Variants in DOCK8 observed in about 807,000 individuals in gnomAD.
The protein encoded by DOCK8 is dedicator of cytokinesis 8.
DOCK8 carries 141 observed loss-of-function variants against 245.6 expected under a neutral mutation model. The observed-to-expected ratio is 0.57, with a 90% CI of 0.50 to 0.66. The LOEUF (loss-of-function observed/expected upper bound fraction) is 0.66, where lower values mean the gene tolerates loss of function less well. Among genes scored for constraint, DOCK8 ranks in the 30% least tolerant of loss-of-function variants. The pLI is 0.00. For synonymous variants in DOCK8, 1,168 were observed against 970.2 expected (o/e 1.20, Z -3.79); for missense variants, 2,965 against 2,603.4 (o/e 1.14, Z -3.02).
chr9:242,225 C>T (rs912763713), intron 1 of DOCK8, among the ~76,000 whole-genome samples: 4 of 152,104 alleles, frequency 2.6e-5, no homozygotes, highest in South Asian at 2.1e-4. Flanking sequence ...CCTAGTGGGT[C>T]CACTCCCCAC....
intron 17 of DOCK8, 131 bp downstream of exon 17, chr9:371,697 T>TTATAG (rs2053293337): frequency 1.6e-6 from 2 of 1,246,944 alleles, no homozygotes; most frequent in African/African-American, 3.0e-5. Context: ...CTAAGCCACA[T>TTATAG]TATAGCAAGA....
chr9:282,658 A>C (rs1300735639), intron 2 of DOCK8, among the ~76,000 whole-genome samples: 4 of 151,992 alleles, frequency 2.6e-5, no homozygotes, highest in Non-Finnish European at 4.4e-5. Flanking sequence ...TCCTGGCTCA[A>C]GCAATCCTCC....
chr9:391,821 C>CTTT (rs373810616), intron 24 of DOCK8, among the ~76,000 whole-genome samples: 9 of 116,304 alleles, frequency 7.7e-5, no homozygotes, highest in African/African-American at 1.9e-4. Flanking sequence ...TTAAGTGAAT[C>CTTT]TTTTTTTTTT....
chr9:226,866 C>T (rs1347934330), intron 1 of DOCK8, among the ~76,000 whole-genome samples: 1 of 152,126 alleles, frequency 6.6e-6, no homozygotes, highest in East Asian at 1.9e-4. Flanking sequence ...CAATACCAAA[C>T]ATATTTTTAC....
intron 41 of DOCK8, 64 bp from the exon 42 acceptor site, chr9:441,811 T>C: frequency 1.9e-6 from 3 of 1,605,114 alleles, no homozygotes; most frequent in Non-Finnish European, 2.6e-6. Flanking sequence ...CCCCTGCCCT[T>C]TGCAACTCAG....
intron 1 of DOCK8, among the ~76,000 whole-genome samples, chr9:230,318 GGTTC>G (rs1449549953): frequency 6.6e-6 from 1 of 152,068 alleles, no homozygotes; most frequent in Non-Finnish European, 1.5e-5. Flanking sequence ...CATTTGGGTT[GGTTC>G]CAAGTCTTTG....
At chr9:443,644 A>G (rs898338436) in intron 43 of DOCK8, 128 bp downstream of exon 43, 4 of 716,290 alleles carry the variant, frequency 5.6e-6, no homozygotes, top group African/African-American at 5.3e-5. Flanking sequence ...CTTTTCGTCT[A>G]GAGTTCAACT....
intron 1 of DOCK8, chr9:215,877 T>G (rs2046739740): frequency 6.0e-6 from 1 of 166,196 alleles, no homozygotes; most frequent in African/African-American, 2.4e-5. Flanking sequence ...AGCTAGACTG[T>G]CTAGTTAAAA....
In DOCK8 at chr9:296,385, C is replaced by T. The variant is rs117890881; in HGVS notation, c.404+6804C>T. ...AGAGCTGAACTCTTAAGAAATTAAA[C>T]TTGTTTACATACTATATTTATTCTT... On this transcript the variant is annotated intron_variant, in intron 4 of 47. Transcript: ENST00000432829. 2.1e-4 allele frequency among the ~76,000 whole-genome samples: 32 copies of T among 152,236 alleles called. 1 individual carries two copies. In the East Asian group the frequency reaches 6.2e-3, roughly 29 times the overall value.
chr9:340,791 C>G (rs1253080983), intron 14 of DOCK8, among the ~76,000 whole-genome samples: 1 of 152,120 alleles, frequency 6.6e-6, no homozygotes, highest in Non-Finnish European at 1.5e-5. Context: ...AAATCTCTTT[C>G]TAAACATAGT....
intron 1 of DOCK8, among the ~76,000 whole-genome samples, chr9:235,537 G>A (rs1191086652): frequency 6.6e-6 from 1 of 152,200 alleles, no homozygotes; most frequent in Non-Finnish European, 1.5e-5. Context: ...GAGCTGTGGT[G>A]GGCTCCACCC....
chr9:298,346 A>T (rs185090750), intron 4 of DOCK8, among the ~76,000 whole-genome samples: 18 of 152,262 alleles, frequency 1.2e-4, no homozygotes, highest in South Asian at 4.1e-4. Flanking sequence ...AATTGCTTCA[A>T]CTCGGGAGGC....
intron 22 of DOCK8, among the ~76,000 whole-genome samples, chr9:385,975 G>A (rs886904112): frequency 6.6e-6 from 1 of 152,098 alleles, no homozygotes; most frequent in Non-Finnish European, 1.5e-5. Flanking sequence ...GAGACAGCGT[G>A]GTGCAGTACC....
chr9:268,644 A>G (rs765201319), intron 1 of DOCK8, among the ~76,000 whole-genome samples: 1 of 152,208 alleles, frequency 6.6e-6, no homozygotes, highest in African/African-American at 2.4e-5. Flanking sequence ...AAGCTAAGAC[A>G]TGTTATTTGA....
At chr9:446,637 G>A (rs761633423) in intron 44 of DOCK8, 31 bp downstream of exon 44, 1 of 1,605,412 alleles carries the variant, frequency 6.2e-7, no homozygotes, top group Non-Finnish European at 8.5e-7. Context: ...GCCACCACTG[G>A]ATGAGTGGGC....
intron 14 of DOCK8, among the ~76,000 whole-genome samples, chr9:359,417 G>C (rs1423581830): frequency 2.0e-5 from 3 of 152,182 alleles, no homozygotes; most frequent in African/African-American, 7.2e-5. Flanking sequence ...ACCTGTCATA[G>C]ATGCTTGTAA....
intron 25 of DOCK8, among the ~76,000 whole-genome samples, chr9:397,426 C>T (rs1383924787): frequency 6.6e-6 from 1 of 150,706 alleles, no homozygotes; most frequent in Non-Finnish European, 1.5e-5. Flanking sequence ...CAGTGGCTCA[C>T]ACCTGTAATC....
At chr9:323,947 C>G (rs1172345259) in intron 7 of DOCK8, among the ~76,000 whole-genome samples, 1 of 152,220 alleles carries the variant, frequency 6.6e-6, no homozygotes, top group Non-Finnish European at 1.5e-5. Context: ...CACCTTTTGG[C>G]TATTGTGAAT....
intron 1 of DOCK8, among the ~76,000 whole-genome samples, chr9:236,203 A>G (rs897456250): frequency 6.6e-6 from 1 of 152,170 alleles, no homozygotes; most frequent in Admixed American, 6.5e-5. Flanking sequence ...TGGTCACAGG[A>G]TGACTCCTAA....
Sources: gnomAD v4.1 joint callset for allele counts (sites outside exome capture counted in the v4.1 genomes callset) on GRCh38, gnomAD v4.1.1 for gene constraint, MANE v1.5 for transcripts, NCBI Gene and HGNC (gene_info 2026-07-23, HGNC 2026-07-21) for gene names.